Variants in ATP8B1 observed in about 807,000 individuals in gnomAD.
ATP8B1 encodes the protein ATPase phospholipid transporting 8B1, also known as phospholipid-transporting ATPase IC.
In ATP8B1, 80 loss-of-function variants were observed where a neutral mutation model predicts 149.9. The observed-to-expected ratio is 0.53, with a 90% confidence interval of 0.45 to 0.64. The LOEUF (loss-of-function observed/expected upper bound fraction) is 0.64, where lower values mean the gene tolerates loss of function less well. Ranked by LOEUF, ATP8B1 falls within the 30% of genes least tolerant of loss-of-function variation. ATP8B1 has a pLI of 0.00. For missense variants in ATP8B1, 1,247 were observed against 1,552.6 expected (o/e 0.80, Z 3.31); for synonymous variants, 536 against 562.8 (o/e 0.95, Z 0.67).
At chr18:57,655,087 C>T in intron 23 of ATP8B1, 107 bp downstream of exon 23, 1 of 1,042,344 alleles carries the variant, frequency 9.6e-7, no homozygotes, top group East Asian at 2.6e-5. Context: ...GGAGACACAG[C>T]CCCAAAACTA....
chr18:57,661,839 C>T (rs548442223), intron 21 of ATP8B1, among the ~76,000 whole-genome samples: 122 of 151,190 alleles, frequency 8.1e-4, no homozygotes, highest in African/African-American at 2.8e-3. Flanking sequence ...CTCAGCCTCC[C>T]GAGTAGCCGG....
At chr18:57,737,354 T>A (rs1003558906) in intron 1 of ATP8B1, among the ~76,000 whole-genome samples, 3 of 152,080 alleles carry the variant, frequency 2.0e-5, no homozygotes, top group African/African-American at 7.2e-5. Flanking sequence ...ATTATTGTTA[T>A]TTTTTTTTTG....
intron 12 of ATP8B1, 25 bp downstream of exon 12, chr18:57,691,781 CA>C: frequency 6.2e-7 from 1 of 1,613,128 alleles, no homozygotes; most frequent in Non-Finnish European, 8.5e-7. Context: ...TCCATTAAAG[CA>C]AAATGCCAGA....
At chr18:57,684,220 T>C (rs773862463) in intron 14 of ATP8B1, 28 bp from the exon 15 acceptor site, 3 of 1,598,614 alleles carry the variant, frequency 1.9e-6, no homozygotes, top group Non-Finnish European at 2.6e-6. Context: ...AAACAAAATA[T>C]GATTTTATAA....
At position 57,655,335 on chromosome 18, in the gene ATP8B1, T is replaced by A; in HGVS notation, c.2790A>T (p.Arg930=). 1 of 1,614,218 alleles carries A rather than the reference T, an allele frequency of 6.2e-7. No individual in the cohort carries two copies. Among genetic ancestry groups the A allele is most frequent in the Admixed American group, 1.7e-5 (1 of 60,014 alleles). Residue 930 remains arginine (R), a synonymous_variant, in exon 23 of 28, where the codon CGA becomes CGT. Transcript: ENST00000648908. The part of the protein sequence containing the change: ...MSSDYSFAQF[R]YLQRLLLVHG... ...GCACCAGCAGTAGCCTCTGCAGATA[T>A]CGGAACTGAGCAAAGGAATAGTCAC...
intron 1 of ATP8B1, among the ~76,000 whole-genome samples, chr18:57,796,670 C>T (rs73446951): frequency 4.4e-4 from 67 of 152,054 alleles, no homozygotes; most frequent in African/African-American, 1.5e-3. Flanking sequence ...AAAGGGTTAC[C>T]TATGCTGTTG....
chr18:57,684,134 T>C lies in ATP8B1; in HGVS notation c.1532A>G (p.Tyr511Cys), dbSNP rs1219881062. ...ADGKLAFYDH[Y>C]LIEQIQSGKE... ...CCCTGACTGGATTTGCTCAATAAGATAGTGGTCATAAAATGCAAGCTTCCC... is the reference window on the plus strand; with the variant it reads ...CCCTGACTGGATTTGCTCAATAAGACAGTGGTCATAAAATGCAAGCTTCCC... The change falls in exon 15 of 28, where the codon TAT (tyrosine) becomes TGT (cysteine). Residue 511 changes from tyrosine (Y) to cysteine (C), a missense_variant. Physicochemically the swap from Tyr to Cys is radical, Grantham distance 194 (BLOSUM62 -2). Around this residue, in one of 3 missense-constraint regions of ATP8B1, gnomAD observed 853 missense variants for 1,035.7 expected, o/e 0.82. Transcript: ENST00000648908. 3 of 1,614,116 alleles carry C rather than the reference T, an allele frequency of 1.9e-6. No individual in the cohort carries two copies. In the South Asian group the frequency reaches 3.3e-5, roughly 18 times the overall value.
chr18:57,756,204 TATATATACAC>T lies in ATP8B1; in HGVS notation c.-25-24382_-25-24373del, dbSNP rs1366932901. ...AACATTTCCACAACATATATATATA[TATATATACAC>T]ACACACACACACACACACACACATA... On this transcript the variant is annotated intron_variant, in intron 1 of 27. Coordinates refer to ENST00000648908, the MANE Select transcript of ATP8B1 (RefSeq NM_001374385.1). Among the ~76,000 whole-genome samples, 39 of 84,448 alleles carry T rather than the reference TATATATACAC, an allele frequency of 4.6e-4. 2 individuals carry two copies. The highest frequency in any genetic ancestry group is 1.3e-3 in the African/African-American group (26 of 20,010). 55.4% of individuals were successfully genotyped at this position (84,448 alleles called of 152,430 possible). A position where few individuals can be genotyped will look rare whatever the true frequency, so the allele number is the denominator to read the frequency against.
intron 1 of ATP8B1, among the ~76,000 whole-genome samples, chr18:57,781,343 T>C (rs2080354630): frequency 6.6e-6 from 1 of 152,236 alleles, no homozygotes; most frequent in Non-Finnish European, 1.5e-5. Flanking sequence ...TCACTCCATC[T>C]GGAGACAGCT....
chr18:57,710,569 A>C (rs886887961), intron 2 of ATP8B1, among the ~76,000 whole-genome samples: 1 of 152,162 alleles, frequency 6.6e-6, no homozygotes, highest in African/African-American at 2.4e-5. Context: ...GTAGATAAAA[A>C]GTCCAACATC....
At chr18:57,800,531 T>G (rs2080563922) in intron 1 of ATP8B1, among the ~76,000 whole-genome samples, 2 of 152,230 alleles carry the variant, frequency 1.3e-5, no homozygotes, top group African/African-American at 4.8e-5. Context: ...AATGGAATTT[T>G]AATTCATAAG....
chr18:57,729,110 C>T (rs1420484782), intron 2 of ATP8B1, among the ~76,000 whole-genome samples: 1 of 152,102 alleles, frequency 6.6e-6, no homozygotes, highest in Non-Finnish European at 1.5e-5. Context: ...AGGATCCTAA[C>T]CACCAGAATG....
chr18:57,680,277 CAAAAAAAAAAA>C lies in ATP8B1; in HGVS notation c.1630+3748_1630+3758del, dbSNP rs71171066. Among the ~76,000 whole-genome samples the C allele has an allele frequency of 3.5e-4, 14 of 40,454 alleles. 1 individual carries two copies. In the Admixed American group the frequency reaches 6.3e-3, roughly 18 times the overall value. 26.5% of individuals were successfully genotyped at this position (40,454 alleles called of 152,430 possible). ...GGGCAACAGGAGCGAGACTCAGTCTCAAAAAAAAAAAAAAAAAAAAAAAAAGACTGGGTGTG... is the reference window on the plus strand; with the variant it reads ...GGGCAACAGGAGCGAGACTCAGTCTCAAAAAAAAAAAAAAGACTGGGTGTG... On this transcript the variant is annotated intron_variant, in intron 15 of 27. Transcript: ENST00000648908.
intron 1 of ATP8B1, among the ~76,000 whole-genome samples, chr18:57,786,531 G>A (rs893794013): frequency 5.8e-4 from 88 of 152,280 alleles, no homozygotes; most frequent in African/African-American, 2.0e-3. Flanking sequence ...TTGAAAACCA[G>A]TGTCTAGGCA....
chr18:57,696,296 G>T lies in ATP8B1; in HGVS notation c.699-764C>A, dbSNP rs1912805652. 2.6e-5 allele frequency among the ~76,000 whole-genome samples: 4 copies of T among 152,202 alleles called. No individual in the cohort carries two copies. The South Asian group carries it at 8.3e-4, about 31-fold the overall frequency. On this transcript the variant is annotated intron_variant, in intron 8 of 27. Transcript: ENST00000648908. Reference sequence around the variant, plus strand: ...CAGTCGGGCGCCGCGGCTCACGCATGTAATGGCAGCACTTTGGGAGGCAGA... The same window carrying T: ...CAGTCGGGCGCCGCGGCTCACGCATTTAATGGCAGCACTTTGGGAGGCAGA...
At chr18:57,762,038 G>A (rs763105942) in intron 1 of ATP8B1, among the ~76,000 whole-genome samples, 26 of 150,656 alleles carry the variant, frequency 1.7e-4, no homozygotes, top group East Asian at 3.9e-4. Flanking sequence ...TTTCAGCCCC[G>A]TGCCTTAGTG....
At chr18:57,695,582 A>G (rs748843595) in intron 8 of ATP8B1, 50 bp from the exon 9 acceptor site, 6 of 1,440,018 alleles carry the variant, frequency 4.2e-6, no homozygotes, top group South Asian at 3.4e-5. Flanking sequence ...TTTGAGTTCA[A>G]AGTGGAAGTT....
At chr18:57,760,454 A>G (rs916882008) in intron 1 of ATP8B1, among the ~76,000 whole-genome samples, 4 of 152,148 alleles carry the variant, frequency 2.6e-5, no homozygotes, top group Admixed American at 2.0e-4. Context: ...TGGCCAGCCT[A>G]TCTCCACCTT....
chr18:57,714,171 T>C (rs1032195712), intron 2 of ATP8B1, among the ~76,000 whole-genome samples: 2 of 152,066 alleles, frequency 1.3e-5, no homozygotes, highest in African/African-American at 4.8e-5. Context: ...CCTGTGGTGG[T>C]GGTGGACATG....
Sources: gnomAD v4.1 joint callset for allele counts (sites outside exome capture counted in the v4.1 genomes callset) on GRCh38, gnomAD v4.1.1 for gene constraint, gnomAD v4.1.1 regional missense constraint, MANE v1.5 for transcripts, NCBI Gene and HGNC (gene_info 2026-07-23, HGNC 2026-07-21) for gene names.